The following DYNC1H1 variants were observed in gnomAD, a reference collection of about 807,000 sequenced individuals.
The protein encoded by DYNC1H1 is cytoplasmic dynein 1 heavy chain 1.
DYNC1H1 carries 51 observed loss-of-function variants against 527.1 expected under a neutral mutation model. The observed-to-expected ratio is 0.10, with a 90% CI of 0.08 to 0.12. The LOEUF is 0.12. Ranked by LOEUF, DYNC1H1 falls within the 10% of genes least tolerant of loss-of-function variation. The pLI, the probability that DYNC1H1 is intolerant of heterozygous loss-of-function variation, is 1.00. For synonymous variants in DYNC1H1, 2,189 were observed against 2,278.8 expected (o/e 0.96, Z 1.12); for missense variants, 2,771 against 5,971.8 (o/e 0.46, Z 17.66).
At chr14:101,967,901 G>C (rs754939419) in intron 1 of DYNC1H1, among the ~76,000 whole-genome samples, 26 of 152,162 alleles carry the variant, frequency 1.7e-4, no homozygotes, top group Non-Finnish European at 2.6e-4. Flanking sequence ...TTGATACTGA[G>C]GAATTGGAGA....
In DYNC1H1 at chr14:102,033,936, AG is replaced by A. The variant is rs1260759924; in HGVS notation, c.10414-38del. The stretch of plus-strand genomic sequence containing the variant: ...TGCAGGATTCGGTATAAATCCTGAA[AG>A]GCCTCATCCCTGAGCATCTTGTTCG... On this transcript the variant is annotated intron_variant, in intron 54 of 77. Transcript: ENST00000360184. This position sits in a 1 kb window ranked among gnomAD's most constrained non-coding sequence, Gnocchi z 5.6. 6.2e-7 allele frequency: 1 copy of A among 1,605,198 alleles called. No homozygotes were observed. Among genetic ancestry groups the A allele is most frequent in the African/African-American group, 1.3e-5 (1 of 74,776 alleles).
At chr14:101,978,526 A>G (rs984690659) in intron 2 of DYNC1H1, among the ~76,000 whole-genome samples, 1 of 152,214 alleles carries the variant, frequency 6.6e-6, no homozygotes, top group Non-Finnish European at 1.5e-5. Context: ...TTCAAATTTT[A>G]TTAATTACCT....
At chr14:102,048,280 T>C (rs1330476419) in intron 73 of DYNC1H1, 1 of 716,634 alleles carries the variant, frequency 1.4e-6, no homozygotes, top group Non-Finnish European at 2.3e-6. Flanking sequence ...GCCGCAGCCC[T>C]TCCTCCCTAG....
chr14:101,992,905 G>A (rs1405802209), intron 11 of DYNC1H1, among the ~76,000 whole-genome samples: 1 of 152,000 alleles, frequency 6.6e-6, no homozygotes, highest in Admixed American at 6.6e-5. Context: ...CCCTCTAAAT[G>A]TTCTGTTCCC....
chr14:102,024,545 A>G (rs1377672557), intron 43 of DYNC1H1, among the ~76,000 whole-genome samples: 1 of 152,132 alleles, frequency 6.6e-6, no homozygotes, highest in Non-Finnish European at 1.5e-5. Flanking sequence ...GAGGGCATAC[A>G]AGGCAGAGCG....
chr14:102,016,075 C>G lies in DYNC1H1; in HGVS notation c.7462C>G (p.Arg2488Gly). Residue 2488 changes from arginine (R) to glycine (G), a missense_variant, in exon 36 of 78, where the codon CGC (arginine) becomes GGC (glycine). Arg to Gly is a moderately radical substitution (Grantham distance 125, BLOSUM62 -2). Transcript: ENST00000360184. The surrounding 1 kb of genome is among the most constrained non-coding windows in gnomAD (Gnocchi z 7.3). ...DFPMQIEQLE[R>G]YIQRYLVYAI... ...CCCCATGCAGATCGAGCAGCTGGAG[C>G]GCTACATTCAGGTCAGGGGGCATCA... The G allele has an allele frequency of 6.2e-7, 1 of 1,609,140 alleles. No homozygotes were observed. Among genetic ancestry groups the G allele is most frequent in the African/African-American group, 1.3e-5 (1 of 74,906 alleles).
Position 102,039,113 on chromosome 14 carries a change from G to A in DYNC1H1, c.11319G>A (p.Leu3773=), listed in dbSNP as rs777231661. The A allele has an allele frequency of 1.2e-6, 2 of 1,614,110 alleles. No homozygotes were observed. Among genetic ancestry groups the A allele is most frequent in the African/African-American group, 2.7e-5 (2 of 74,940 alleles). ...DDTIITTLEN[L]KREAAEVTRK... is the part of the protein sequence containing the mutation. The stretch of plus-strand genomic sequence containing the variant: ...CGATCATAACCACTCTGGAGAACCT[G>A]AAGAGAGAGGCTGCAGAGGTCACCA... The change falls in exon 60 of 78, where the codon CTG becomes CTA. Residue 3773 remains leucine, a synonymous_variant. Transcript: ENST00000360184. The surrounding 1 kb of genome is among the most constrained non-coding windows in gnomAD (Gnocchi z 7.0).
Position 102,041,425 on chromosome 14 carries a change from G to T in DYNC1H1, c.11942-149G>T. 1 of 1,268,292 alleles carries T rather than the reference G, an allele frequency of 7.9e-7. No homozygotes were observed. The highest frequency in any genetic ancestry group is 1.1e-6 in the Non-Finnish European group (1 of 880,550). 78.6% of individuals were successfully genotyped at this position (1,268,292 alleles called of 1,614,324 possible). On this transcript the variant is annotated intron_variant, in intron 64 of 77. Coordinates refer to ENST00000360184, the MANE Select transcript of DYNC1H1 (RefSeq NM_001376.5). This position sits in a 1 kb window ranked among gnomAD's most constrained non-coding sequence, Gnocchi z 4.5. ...GTCCAGAGGGCTCACGGAAGGCACAGCAGATGTGGCTGAATTTCCTGATTT... is the reference window on the plus strand; with the variant it reads ...GTCCAGAGGGCTCACGGAAGGCACATCAGATGTGGCTGAATTTCCTGATTT...
chr14:102,004,117 G>A (rs186716549), intron 23 of DYNC1H1, among the ~76,000 whole-genome samples: 78 of 151,684 alleles, frequency 5.1e-4, no homozygotes, highest in Non-Finnish European at 9.9e-4. Context: ...GGTGGTGGGC[G>A]CCTGTAGTCC....
intron 50 of DYNC1H1, 105 bp from the exon 51 acceptor site, chr14:102,030,057 A>AGGGTGTGTGT: frequency 6.6e-7 from 1 of 1,520,144 alleles, no homozygotes; most frequent in Non-Finnish European, 9.0e-7. Flanking sequence ...AGGGAGAGAG[A>AGGGTGTGTGT]GTGTGTGTGT....
Position 102,042,138 on chromosome 14 carries a change from A to C in DYNC1H1, c.12214+14A>C. The C allele has an allele frequency of 6.2e-7, 1 of 1,613,982 alleles. No homozygotes were observed. The highest frequency in any genetic ancestry group is 8.5e-7 in the Non-Finnish European group (1 of 1,179,998). On this transcript the variant is annotated intron_variant, in intron 66 of 77. Transcript: ENST00000360184. The surrounding 1 kb of genome is among the most constrained non-coding windows in gnomAD (Gnocchi z 5.7). The stretch of plus-strand genomic sequence containing the variant: ...CAATTGCAATCGGTAAGGATGCTTG[A>C]GGGGCTTCATGGGCTGGAGCCCTGC...
chr14:102,034,258 T>A, intron 55 of DYNC1H1, 67 bp from the exon 56 acceptor site: 1 of 1,614,126 alleles, frequency 6.2e-7, no homozygotes. Flanking sequence ...AGTGCACAGT[T>A]AGAGTCTTGA....
intron 15 of DYNC1H1, among the ~76,000 whole-genome samples, chr14:101,996,731 C>T (rs965385740): frequency 6.6e-6 from 1 of 152,150 alleles, no homozygotes; most frequent in Non-Finnish European, 1.5e-5. Flanking sequence ...AAACAATCCT[C>T]CCACCTCAGT....
Position 102,004,577 on chromosome 14 carries a change from C to G in DYNC1H1, c.4943C>G (p.Ala1648Gly), listed in dbSNP as rs2048175185. 1 of 1,613,932 alleles carries G rather than the reference C, an allele frequency of 6.2e-7. No homozygotes were observed. Among genetic ancestry groups the G allele is most frequent in the African/African-American group, 1.3e-5 (1 of 74,904 alleles). The change falls in exon 24 of 78, where the codon GCT (alanine) becomes GGT (glycine). Residue 1648 changes from alanine (A) to glycine (G), a missense_variant. By Grantham distance (60) the Ala-to-Gly change is moderately conservative. Coordinates refer to ENST00000360184, the MANE Select transcript of DYNC1H1 (RefSeq NM_001376.5). Reference protein sequence around the residue: ...LEIIGNSKNVAKLQKHFKKMF... With the variant: ...LEIIGNSKNVGKLQKHFKKMF... The stretch of plus-strand genomic sequence containing the variant: ...ATCATTGGAAACAGCAAGAATGTCG[C>G]TAAATTACAGAAACACTTCAAGAAG...
chr14:102,032,363 C>T lies in DYNC1H1; in HGVS notation c.9975C>T (p.Cys3325=), dbSNP rs1274600876. ...TGAAGCTGGCGCTGGAGTCCATCTG[C>T]CTGCTGCTGGGGGAAAGCACCACAG... The part of the protein sequence containing the change: ...AAVKLALESI[C]LLLGESTTDW... Residue 3325 remains cysteine (C), a synonymous_variant, in exon 52 of 78, where the codon TGC becomes TGT. Transcript: ENST00000360184. 2 of 1,614,106 alleles carry T rather than the reference C, an allele frequency of 1.2e-6. No individual in the cohort carries two copies. The highest frequency in any genetic ancestry group is 1.7e-5 in the Admixed American group (1 of 60,006).
Position 101,983,719 on chromosome 14 carries a change from C to G in DYNC1H1, c.1461+110C>G. 7.7e-7 allele frequency: 1 copy of G among 1,301,446 alleles called. No individual in the cohort carries two copies. 80.6% of individuals were successfully genotyped at this position (1,301,446 alleles called of 1,614,324 possible). Reference sequence around the variant, plus strand: ...TGAGATGAAGTTTCACTCTTGTTGCCCAGGCTGGAGTGCAATGGCATGATC... The same window carrying G: ...TGAGATGAAGTTTCACTCTTGTTGCGCAGGCTGGAGTGCAATGGCATGATC... On this transcript the variant is annotated intron_variant, in intron 7 of 77. Coordinates refer to ENST00000360184, the MANE Select transcript of DYNC1H1 (RefSeq NM_001376.5). The surrounding 1 kb of genome is among the most constrained non-coding windows in gnomAD (Gnocchi z 5.3).
Position 102,033,891 on chromosome 14 carries a change from A to G in DYNC1H1, c.10414-85A>G, listed in dbSNP as rs1476837784. On this transcript the variant is annotated intron_variant, in intron 54 of 77. Transcript: ENST00000360184. This position sits in a 1 kb window ranked among gnomAD's most constrained non-coding sequence, Gnocchi z 5.6. ...TTCTAACCCACCCAAAACCCTGCAC[A>G]TAATGTGGATGAACCGATTTGCAGG... 2.7e-6 allele frequency: 4 copies of G among 1,489,404 alleles called. No individual in the cohort carries two copies. The highest frequency in any genetic ancestry group is 2.3e-5 in the East Asian group (1 of 44,052). 92.3% of individuals were successfully genotyped at this position (1,489,404 alleles called of 1,614,324 possible).
Position 102,016,525 on chromosome 14 carries a change from C to T in DYNC1H1, c.7614+36C>T. The stretch of plus-strand genomic sequence containing the variant: ...AGCTACCACCCGTGTTTCTGATTCT[C>T]GCCTTGTTGATTTAACTCATCCTGG... On this transcript the variant is annotated intron_variant, in intron 37 of 77. Transcript: ENST00000360184. This position sits in a 1 kb window ranked among gnomAD's most constrained non-coding sequence, Gnocchi z 7.3. The T allele has an allele frequency of 2.5e-6, 4 of 1,614,064 alleles. No homozygotes were observed. Among genetic ancestry groups the T allele is most frequent in the South Asian group, 2.2e-5 (2 of 91,058 alleles).
Position 102,006,173 on chromosome 14 carries a change from A to G in DYNC1H1, c.5716+3A>G. On this transcript the variant is annotated splice_donor_region_variant and intron_variant, in intron 27 of 77. Coordinates refer to ENST00000360184, the MANE Select transcript of DYNC1H1 (RefSeq NM_001376.5). ...CAGGCTGGGGGGTTCCCCATTTGGT[A>G]AGTTCTTCCACAGATCTGGACAGAT... The G allele has an allele frequency of 6.2e-7, 1 of 1,613,318 alleles. No homozygotes were observed. The highest frequency in any genetic ancestry group is 8.5e-7 in the Non-Finnish European group (1 of 1,179,942).
Sources: allele counts gnomAD v4.1 joint callset (sites outside exome capture counted in the v4.1 genomes callset), GRCh38; gene constraint gnomAD v4.1.1; non-coding constraint Gnocchi (gnomAD v3.1); transcripts MANE v1.5; gene names NCBI Gene and HGNC (gene_info 2026-07-23, HGNC 2026-07-21).